The following ANO4 variants were observed in gnomAD, a reference collection of about 807,000 sequenced individuals.
ANO4 encodes the protein anoctamin 4, also known as anoctamin-4.
Under a neutral mutation model 141.9 loss-of-function variants are expected in ANO4, and 69 were observed. The observed-to-expected ratio is 0.49, with a 90% CI of 0.40 to 0.59. ANO4 has a LOEUF of 0.59. Ranked by LOEUF, ANO4 falls within the 20% of genes least tolerant of loss-of-function variation. The pLI is 0.00. For missense variants in ANO4, 894 were observed against 1,162.2 expected (o/e 0.77, Z 3.36); for synonymous variants, 350 against 394.3 (o/e 0.89, Z 1.33).
chr12:100,836,430 C>G (rs927489001), intron 1 of ANO4, among the ~76,000 whole-genome samples: 11 of 151,758 alleles, frequency 7.2e-5, no homozygotes, highest in Non-Finnish European at 1.2e-4. Flanking sequence ...CCATGTTGGT[C>G]TGCTGCACCC....
At chr12:100,959,820 C>T (rs541011061) in intron 5 of ANO4, among the ~76,000 whole-genome samples, 1 of 152,172 alleles carries the variant, frequency 6.6e-6, no homozygotes, top group Non-Finnish European at 1.5e-5. Flanking sequence ...GATCCTGGGT[C>T]CCCTTTTCTT....
At chr12:101,012,298 T>C (rs1245298607) in intron 8 of ANO4, among the ~76,000 whole-genome samples, 2 of 152,030 alleles carry the variant, frequency 1.3e-5, no homozygotes, top group African/African-American at 4.8e-5. Context: ...TCATCCCAGC[T>C]CTATTTTTAA....
At chr12:101,124,713 T>C (rs2137074284) in intron 26 of ANO4, among the ~76,000 whole-genome samples, 1 of 152,280 alleles carries the variant, frequency 6.6e-6, no homozygotes, top group South Asian at 2.1e-4. Flanking sequence ...CCAAAACCAT[T>C]TATTAAGTAG....
intron 9 of ANO4, among the ~76,000 whole-genome samples, chr12:101,030,916 C>G (rs1202072266): frequency 6.6e-6 from 1 of 152,176 alleles, no homozygotes; most frequent in Non-Finnish European, 1.5e-5. Context: ...AGACCAGTAA[C>G]AAGTTCTGAA....
rs1256222646 is a variant in ANO4 at position 101,126,821 on chromosome 12, C to A, written c.2677-58C>A. ...TCCACATCCTTCTTCAGCCAACTCTCTAACCTCATTCAGGATGCACAGTAG... is the reference window on the plus strand; with the variant it reads ...TCCACATCCTTCTTCAGCCAACTCTATAACCTCATTCAGGATGCACAGTAG... On this transcript the variant is annotated intron_variant, in intron 26 of 27. Coordinates refer to ENST00000392977, the MANE Select transcript of ANO4 (RefSeq NM_001286615.2). 28 of 1,511,026 alleles carry A rather than the reference C, an allele frequency of 1.9e-5. No individual in the cohort carries two copies. The African/African-American group carries it at 3.7e-4, about 20-fold the overall frequency. The allele number at this position is 1,511,026 out of a possible 1,614,324, so 93.6% of individuals were successfully genotyped here.
chr12:100,959,712 G>C (rs2043328156), intron 5 of ANO4, among the ~76,000 whole-genome samples: 1 of 152,140 alleles, frequency 6.6e-6, no homozygotes, highest in African/African-American at 2.4e-5. Context: ...GACATCTCAT[G>C]CTTTCCTGGA....
Position 101,048,066 on chromosome 12 carries a change from G to T in ANO4, c.1252-275G>T, listed in dbSNP as rs2047703022. 5 of 1,197,226 alleles carry T rather than the reference G, an allele frequency of 4.2e-6. No individual in the cohort carries two copies. The East Asian group carries it at 1.5e-4, about 36-fold the overall frequency. 74.2% of individuals were successfully genotyped at this position (1,197,226 alleles called of 1,614,324 possible). A position where few individuals can be genotyped will look rare whatever the true frequency, so the allele number is the denominator to read the frequency against. On this transcript the variant is annotated intron_variant, in intron 13 of 27. Coordinates refer to ENST00000392977, the MANE Select transcript of ANO4 (RefSeq NM_001286615.2). ...TATAAGAGTTTTGTTGTGCACAAAAGGGGATTCTTAGTAGCACTATTGGGG... is the reference window on the plus strand; with the variant it reads ...TATAAGAGTTTTGTTGTGCACAAAATGGGATTCTTAGTAGCACTATTGGGG...
At chr12:100,726,010 G>A (rs982024626) in intron 1 of ANO4, among the ~76,000 whole-genome samples, 4 of 152,172 alleles carry the variant, frequency 2.6e-5, no homozygotes, top group African/African-American at 9.7e-5. Context: ...GCCTGGGTTT[G>A]GCTGCCAGTC....
chr12:101,064,659 G>T (rs1259709355), intron 14 of ANO4, among the ~76,000 whole-genome samples: 2 of 107,260 alleles, frequency 1.9e-5, no homozygotes. Context: ...AGAACTTAAA[G>T]TATTATAATA....
chr12:100,855,046 G>T (rs1321579015), intron 1 of ANO4, among the ~76,000 whole-genome samples: 1 of 151,956 alleles, frequency 6.6e-6, no homozygotes. Context: ...AAGTTCTAAA[G>T]TCTAAATCTA....
chr12:100,873,154 TA>T (rs1237592110), intron 1 of ANO4, among the ~76,000 whole-genome samples: 2 of 152,222 alleles, frequency 1.3e-5, no homozygotes, highest in African/African-American at 2.4e-5. Flanking sequence ...TTTTTCTTTA[TA>T]AAGTACCTAG....
Position 100,942,522 on chromosome 12 carries a change from A to C in ANO4, c.443A>C (p.Gln148Pro). ...AGAAACATTAGAGCAGAAGGATTGCAAATGGAGAAAGAGGTAAATAGTTTG... is the reference window on the plus strand; with the variant it reads ...AGAAACATTAGAGCAGAAGGATTGCCAATGGAGAAAGAGGTAAATAGTTTG... Reference protein sequence around the residue: ...FERNIRAEGLQMEKESSLINS... With the variant: ...FERNIRAEGLPMEKESSLINS... Residue 148 changes from glutamine to proline, a missense_variant, in exon 5 of 28, where the codon CAA becomes CCA. Transcript: ENST00000392977. 1 of 1,613,386 alleles carries C rather than the reference A, an allele frequency of 6.2e-7. No individual in the cohort carries two copies. The highest frequency in any genetic ancestry group is 1.1e-5 in the South Asian group (1 of 90,866).
intron 3 of ANO4, among the ~76,000 whole-genome samples, chr12:100,758,860 C>T (rs1486981827): frequency 6.6e-6 from 1 of 152,082 alleles, no homozygotes; most frequent in Non-Finnish European, 1.5e-5. Context: ...TTTGTGACAA[C>T]ATTACTCAAG....
At chr12:100,849,102 C>T (rs2037735876) in intron 1 of ANO4, among the ~76,000 whole-genome samples, 1 of 152,114 alleles carries the variant, frequency 6.6e-6, no homozygotes, top group Non-Finnish European at 1.5e-5. Flanking sequence ...AAATTAATAA[C>T]TGATATTGAA....
At chr12:101,036,585 AACCAG>A (rs2136591181) in intron 9 of ANO4, among the ~76,000 whole-genome samples, 1 of 152,350 alleles carries the variant, frequency 6.6e-6, no homozygotes, top group Non-Finnish European at 1.5e-5. Flanking sequence ...AGGTGAAATA[AACCAG>A]ACACAGAAAG....
intron 1 of ANO4, among the ~76,000 whole-genome samples, chr12:100,815,834 AT>A (rs2035706661): frequency 6.6e-6 from 1 of 152,034 alleles, no homozygotes; most frequent in African/African-American, 2.4e-5. Flanking sequence ...TGAGGACAAA[AT>A]TGAGTATTTG....
intron 3 of ANO4, among the ~76,000 whole-genome samples, chr12:100,749,820 G>A (rs1278071902): frequency 1.3e-5 from 2 of 152,308 alleles, no homozygotes; most frequent in South Asian, 2.1e-4. Flanking sequence ...GCTACTCAAA[G>A]TGTGGTCCAC....
intron 14 of ANO4, among the ~76,000 whole-genome samples, chr12:101,064,879 A>G (rs2048513063): frequency 1.3e-5 from 2 of 151,888 alleles, no homozygotes; most frequent in South Asian, 4.2e-4. Flanking sequence ...CTCCCACATG[A>G]GATGTGAATC....
At chr12:100,748,896 G>A (rs1043961798) in intron 3 of ANO4, among the ~76,000 whole-genome samples, 3 of 151,996 alleles carry the variant, frequency 2.0e-5, no homozygotes, top group Non-Finnish European at 2.9e-5. Context: ...GATTTTAATC[G>A]TATGTTATGG....
Sources: gnomAD v4.1 joint callset for allele counts (sites outside exome capture counted in the v4.1 genomes callset) on GRCh38, gnomAD v4.1.1 for gene constraint, MANE v1.5 for transcripts, NCBI Gene and HGNC (gene_info 2026-07-23, HGNC 2026-07-21) for gene names.